The following ACSBG1 variants were observed in gnomAD, a reference collection of about 807,000 sequenced individuals.
ACSBG1 encodes acyl-CoA synthetase bubblegum family member 1.
Under a neutral mutation model 80.2 loss-of-function variants are expected in ACSBG1, and 39 were observed. The ratio of observed to expected loss-of-function variants is 0.49; its 90% confidence interval spans 0.38 to 0.64. ACSBG1 has a LOEUF of 0.64. Ranked by LOEUF, ACSBG1 falls within the 30% of genes least tolerant of loss-of-function variation. The pLI is 0.00. For missense variants in ACSBG1, 828 were observed against 966.4 expected, an observed-to-expected ratio of 0.86 and a Z score of 1.90; for synonymous variants, 392 against 379.5, an observed-to-expected ratio of 1.03 and a Z score of -0.38.
Position 78,171,492 on chromosome 15 carries a change from C to T in ACSBG1, c.2127G>A (p.Glu709=). 17 of 1,614,176 alleles carry T rather than the reference C, an allele frequency of 1.1e-5. No homozygotes were observed. The highest frequency in any genetic ancestry group is 1.4e-5 in the Non-Finnish European group (16 of 1,180,020). Residue 709 remains glutamate, a synonymous_variant, in exon 14 of 14, where the codon GAG becomes GAA. Coordinates refer to ENST00000258873, the MANE Select transcript of ACSBG1 (RefSeq NM_015162.5). ...TMKLKRLTVL[E]KYKGIIDSFY... Reference sequence around the variant, plus strand: ...AGGAGTCAATGATACCTTTGTACTTCTCCAAAACTGTGAGCCGTTTCAGTT... The same window carrying T: ...AGGAGTCAATGATACCTTTGTACTTTTCCAAAACTGTGAGCCGTTTCAGTT...
intron 1 of ACSBG1, among the ~76,000 whole-genome samples, chr15:78,218,230 A>C (rs866029681): frequency 6.7e-6 from 1 of 149,814 alleles, no homozygotes; most frequent in South Asian, 2.1e-4. Context: ...ATGAGAAGAA[A>C]GAACACTGCC....
intron 1 of ACSBG1, among the ~76,000 whole-genome samples, chr15:78,218,032 G>C (rs1019053788): frequency 2.0e-5 from 3 of 152,094 alleles, no homozygotes; most frequent in African/African-American, 7.2e-5. Flanking sequence ...CAAAGCAAAG[G>C]CTACTAGAAA....
chr15:78,168,986 G>A lies in ACSBG1; in HGVS notation c.*2458C>T, dbSNP rs1595874578. 1.9e-6 allele frequency: 3 copies of A among 1,598,360 alleles called. No individual in the cohort carries two copies. Among genetic ancestry groups the A allele is most frequent in the East Asian group, 2.2e-5 (1 of 44,590 alleles). ...GACTTCACAGAGGAAATCTGTCGCC[G>A]AGTAAAAGATTTAGATTAACACTTC... On this transcript the variant is annotated 3_prime_UTR_variant, in exon 14 of 14. Transcript: ENST00000258873.
chr15:78,224,064 C>T (rs2075380855), intron 1 of ACSBG1, among the ~76,000 whole-genome samples: 1 of 152,100 alleles, frequency 6.6e-6, no homozygotes, highest in African/African-American at 2.4e-5. Flanking sequence ...TTCTGTCTTC[C>T]AGAACTGGGG....
At chr15:78,191,758 G>T (rs1443731319) in intron 5 of ACSBG1, among the ~76,000 whole-genome samples, 1 of 152,206 alleles carries the variant, frequency 6.6e-6, no homozygotes, top group East Asian at 1.9e-4. Context: ...ACTGAAAGTA[G>T]TACCACCTGC....
chr15:78,205,325 G>T (rs191246773), intron 2 of ACSBG1, among the ~76,000 whole-genome samples: 2 of 152,038 alleles, frequency 1.3e-5, no homozygotes, highest in African/African-American at 4.8e-5. Context: ...AACTTTTTGG[G>T]ACCTCAAAGA....
At chr15:78,200,042 G>C (rs2075152707) in intron 2 of ACSBG1, among the ~76,000 whole-genome samples, 1 of 152,196 alleles carries the variant, frequency 6.6e-6, no homozygotes. Context: ...ACCGGATCAA[G>C]AGAAAAGAGT....
chr15:78,175,994 G>A (rs1452853232), intron 11 of ACSBG1, among the ~76,000 whole-genome samples: 2 of 151,870 alleles, frequency 1.3e-5, no homozygotes, highest in Non-Finnish European at 2.9e-5. Flanking sequence ...GCAAACTAAG[G>A]CTAGAAAGGA....
chr15:78,223,645 G>A (rs2075376946), intron 1 of ACSBG1, among the ~76,000 whole-genome samples: 1 of 152,150 alleles, frequency 6.6e-6, no homozygotes, highest in Non-Finnish European at 1.5e-5. Flanking sequence ...CAGCCAGTGT[G>A]GTAAGTTGAA....
Position 78,174,453 on chromosome 15 carries a change from G to A in ACSBG1, c.1774C>T (p.Pro592Ser). Residue 592 changes from proline (P) to serine (S), a missense_variant, in exon 12 of 14, where the codon CCC (proline) becomes TCC (serine). Pro to Ser is a moderately conservative substitution (Grantham distance 74, BLOSUM62 -1). This residue lies in a region of ACSBG1 where 201 missense variants were observed against 227.0 expected (regional missense o/e 0.89). Coordinates refer to ENST00000258873, the MANE Select transcript of ACSBG1 (RefSeq NM_015162.5). The stretch of plus-strand genomic sequence containing the variant: ...ATGAGCATGGCGTTGCTGATGATGG[G>A]CAGCTCCATCTTCACGGCCTCCTCG... ...PIEEAVKMEL[P>S]IISNAMLIGD... 2 of 1,614,100 alleles carry A rather than the reference G, an allele frequency of 1.2e-6. No homozygotes were observed. The highest frequency in any genetic ancestry group is 3.3e-5 in the Admixed American group (2 of 60,016).
At chr15:78,173,163 T>C (rs1299545483) in intron 13 of ACSBG1, among the ~76,000 whole-genome samples, 1 of 151,828 alleles carries the variant, frequency 6.6e-6, no homozygotes, top group African/African-American at 2.4e-5. Context: ...CTGACCAACA[T>C]GGAGAAACCA....
chr15:78,229,074 C>CTTTTTTTT (rs3973561), intron 1 of ACSBG1, among the ~76,000 whole-genome samples: 1 of 146,864 alleles, frequency 6.8e-6, no homozygotes, highest in African/African-American at 2.5e-5. Flanking sequence ...ATTATATTCC[C>CTTTTTTTT]TTTTTTTTTT....
intron 13 of ACSBG1, 109 bp downstream of exon 13, chr15:78,173,484 C>A: frequency 6.8e-7 from 1 of 1,476,876 alleles, no homozygotes; most frequent in Non-Finnish European, 9.1e-7. Flanking sequence ...CAGATTCCTG[C>A]CATGACCTTC....
chr15:78,198,345 T>C (rs543748491), intron 2 of ACSBG1, among the ~76,000 whole-genome samples: 1 of 137,424 alleles, frequency 7.3e-6, no homozygotes. Context: ...CCAGCCACTA[T>C]AATCTCTTTT....
At chr15:78,194,468 G>T (rs772869512) in intron 3 of ACSBG1, 38 bp downstream of exon 3, 1 of 1,599,746 alleles carries the variant, frequency 6.3e-7, no homozygotes, top group South Asian at 1.1e-5. Context: ...AGGCACATCT[G>T]GGGAGGGGCA....
chr15:78,203,578 A>G (rs574139432), intron 2 of ACSBG1, among the ~76,000 whole-genome samples: 124 of 152,266 alleles, frequency 8.1e-4, no homozygotes, highest in Middle Eastern at 6.8e-3. Flanking sequence ...CTTGTATCTT[A>G]TCAATCCACC....
Position 78,182,791 on chromosome 15 carries a change from T to C in ACSBG1, c.664-6A>G, listed in dbSNP as rs759005675. On this transcript the variant is annotated splice_region_variant and splice_polypyrimidine_tract_variant and intron_variant, in intron 5 of 13. Transcript: ENST00000258873. ...TGTGGCAACTGTTTCCAGATCTGCATTGACAGGAAAAATAGATCAGGTTTC... is the reference window on the plus strand; with the variant it reads ...TGTGGCAACTGTTTCCAGATCTGCACTGACAGGAAAAATAGATCAGGTTTC... The C allele has an allele frequency of 9.9e-6, 16 of 1,613,890 alleles. No homozygotes were observed. Among genetic ancestry groups the C allele is most frequent in the South Asian group, 9.9e-5 (9 of 91,094 alleles).
chr15:78,182,493 GGGGTTCCCAGT>G lies in ACSBG1; in HGVS notation c.856_866del (p.Thr286GlnfsTer22). The G allele has an allele frequency of 1.2e-6, 2 of 1,614,140 alleles. No homozygotes were observed. The highest frequency in any genetic ancestry group is 4.5e-5 in the East Asian group (2 of 44,886). On this transcript the variant is annotated frameshift_variant, in exon 7 of 14. Coordinates refer to ENST00000258873, the MANE Select transcript of ACSBG1 (RefSeq NM_015162.5). LOFTEE classifies it high-confidence loss of function. ...TGTCTTGACTCAGCATCACGCCCTT[GGGGTTCCCAGT>G]GGTGCCGGAAGTGTAGACTAGCACA...
intron 1 of ACSBG1, among the ~76,000 whole-genome samples, chr15:78,224,483 G>T (rs2075384332): frequency 6.6e-6 from 1 of 152,204 alleles, no homozygotes; most frequent in Non-Finnish European, 1.5e-5. Context: ...ACTTTGGGAG[G>T]CCAAGGCAGG....
Sources: allele counts gnomAD v4.1 joint callset (sites outside exome capture counted in the v4.1 genomes callset), GRCh38; gene constraint gnomAD v4.1.1; regional missense constraint gnomAD v4.1.1; transcripts MANE v1.5; gene names NCBI Gene and HGNC (gene_info 2026-07-23, HGNC 2026-07-21).